Variants in A2ML1 observed in about 807,000 individuals in gnomAD.
A2ML1 encodes alpha-2-macroglobulin like 1, also known as alpha-2-macroglobulin-like protein 1.
In A2ML1, 161 loss-of-function variants were observed where a neutral mutation model predicts 181.9. The ratio of observed to expected loss-of-function variants is 0.89; its 90% CI spans 0.78 to 1.01. A2ML1 has a LOEUF of 1.01. Ranked by LOEUF, A2ML1 falls within the 50% of genes least tolerant of loss-of-function variation. The pLI is 0.00. For synonymous variants in A2ML1, 663 were observed against 666.8 expected (o/e 0.99, Z 0.09); for missense variants, 1,670 against 1,768.1 (o/e 0.94, Z 1.00).
chr12:8,871,901 C>T (rs190675782), intron 33 of A2ML1, among the ~76,000 whole-genome samples: 3 of 152,164 alleles, frequency 2.0e-5, no homozygotes, highest in East Asian at 1.9e-4. Flanking sequence ...GCTACCTGGC[C>T]GGGCGCAGTG....
intron 6 of A2ML1, among the ~76,000 whole-genome samples, 188 bp from the exon 7 acceptor site, chr12:8,836,067 A>G (rs1173157040): frequency 6.6e-6 from 1 of 152,070 alleles, no homozygotes; most frequent in East Asian, 1.9e-4. Context: ...TACTCTGGGA[A>G]AGGATTATTT....
rs1209606276 is a variant in A2ML1 at position 8,841,456 on chromosome 12, AC to A, written c.1171del (p.Leu391TrpfsTer8). 6.2e-7 allele frequency: 1 copy of A among 1,613,702 alleles called. No individual in the cohort carries two copies. Among genetic ancestry groups the A allele is most frequent in the African/African-American group, 1.3e-5 (1 of 74,860 alleles). ...TGGCACAAATGGAACCTTCAACCAG[AC>A]CCTGGTTACTGATAACAATGGCCTA... ...IYGTNGTFNQ[T>X]LVTDNNGLAP... On this transcript the variant is annotated frameshift_variant, in exon 11 of 36. Coordinates refer to ENST00000299698, the MANE Select transcript of A2ML1 (RefSeq NM_144670.6). LOFTEE classifies it high-confidence loss of function.
rs757037403 is a variant in A2ML1 at position 8,861,204 on chromosome 12, C to T, written c.3409C>T (p.Gln1137Ter). ...SATSTTNLYT[Q>*]ALLAYIFSLA... Reference sequence around the variant, plus strand: ...CACCTCCACGACCAACCTCTACACACAGGCCCTGTTGGCTTACATTTTCTC... The same window carrying T: ...CACCTCCACGACCAACCTCTACACATAGGCCCTGTTGGCTTACATTTTCTC... The change falls in exon 28 of 36, where the codon CAG becomes TAG. Residue 1137 changes from glutamine to a stop codon, truncating the protein, a stop_gained. Coordinates refer to ENST00000299698, the MANE Select transcript of A2ML1 (RefSeq NM_144670.6). LOFTEE classifies it high-confidence loss of function. 1.9e-6 allele frequency: 3 copies of T among 1,614,172 alleles called. No homozygotes were observed. The highest frequency in any genetic ancestry group is 2.2e-5 in the South Asian group (2 of 91,086).
rs773681065 is a variant in A2ML1, at chr12:8,861,179, C to T, written c.3384C>T (p.Ala1128=). ...GTCTACGGTGTCTCAAGAATTCGGCCACCTCCACGACCAACCTCTACACAC... is the reference window on the plus strand; with the variant it reads ...GTCTACGGTGTCTCAAGAATTCGGCTACCTCCACGACCAACCTCTACACAC... ...SQGLRCLKNS[A]TSTTNLYTQA... Residue 1128 remains alanine (A), a synonymous_variant, in exon 28 of 36, where the codon GCC becomes GCT. Transcript: ENST00000299698. 4 of 1,614,000 alleles carry T rather than the reference C, an allele frequency of 2.5e-6. No homozygotes were observed. The Admixed American group carries it at 6.7e-5, about 27-fold the overall frequency.
At chr12:8,872,939 A>G (rs1345862831) in intron 33 of A2ML1, among the ~76,000 whole-genome samples, 1 of 152,222 alleles carries the variant, frequency 6.6e-6, no homozygotes, top group Non-Finnish European at 1.5e-5. Context: ...CCGTTGCAAT[A>G]TTACACATAA....
At chr12:8,841,987 C>G (rs368281204) in intron 11 of A2ML1, among the ~76,000 whole-genome samples, 2 of 152,202 alleles carry the variant, frequency 1.3e-5, no homozygotes, top group Non-Finnish European at 2.9e-5. Flanking sequence ...ACTTCAGTAT[C>G]GTGCAGCAGA....
chr12:8,871,768 A>G (rs1027525643), intron 33 of A2ML1, among the ~76,000 whole-genome samples: 1 of 151,992 alleles, frequency 6.6e-6, no homozygotes, highest in Non-Finnish European at 1.5e-5. Flanking sequence ...CCCCATTACT[A>G]TATATGTGTA....
At chr12:8,865,730 A>G (rs1292055638) in intron 29 of A2ML1, among the ~76,000 whole-genome samples, 1 of 152,170 alleles carries the variant, frequency 6.6e-6, no homozygotes, top group Admixed American at 6.5e-5. Flanking sequence ...GGCAGTATGG[A>G]AAAAACAGAG....
At chr12:8,857,361 T>C in intron 24 of A2ML1, 21 bp downstream of exon 24, 1 of 1,613,058 alleles carries the variant, frequency 6.2e-7, no homozygotes, top group Non-Finnish European at 8.5e-7. Flanking sequence ...TCAGTCTTTC[T>C]TTCTTGAACA....
At chr12:8,833,372 G>A (rs919331391) in intron 4 of A2ML1, among the ~76,000 whole-genome samples, 1 of 152,086 alleles carries the variant, frequency 6.6e-6, no homozygotes, top group Non-Finnish European at 1.5e-5. Flanking sequence ...TGTGAGAAAA[G>A]TACTTTGTTA....
chr12:8,824,228 T>G (rs1173891734), intron 3 of A2ML1, among the ~76,000 whole-genome samples: 38 of 146,288 alleles, frequency 2.6e-4, no homozygotes, highest in African/African-American at 4.6e-4. Context: ...TGGGGTTTTT[T>G]TTTTTTTTTT....
rs1944489624 is a variant in A2ML1 at position 8,868,246 on chromosome 12, A to G, written c.3950A>G (p.Asn1317Ser). 2 of 1,613,806 alleles carry G rather than the reference A, an allele frequency of 1.2e-6. No homozygotes were observed. The highest frequency in any genetic ancestry group is 3.3e-5 in the Admixed American group (2 of 59,906). Residue 1317 changes from asparagine to serine, a missense_variant, in exon 31 of 36, where the codon AAT becomes AGT. Coordinates refer to ENST00000299698, the MANE Select transcript of A2ML1 (RefSeq NM_144670.6). The part of the protein sequence containing the change: ...CVYVQTVLRY[N>S]ILPPTNMKTF... ...TCCTACCAGACGGTGTTGAGATACA[A>G]TATTCTCCCTCCCACAAATATGAAG... is the stretch of plus-strand genomic sequence containing the variant.
intron 16 of A2ML1, 79 bp from the exon 17 acceptor site, chr12:8,849,590 G>A (rs1010790379): frequency 1.5e-5 from 17 of 1,139,520 alleles, no homozygotes; most frequent in Middle Eastern, 3.9e-4. Flanking sequence ...TCAACTCTTT[G>A]ATGGTGGAAT....
intron 14 of A2ML1, among the ~76,000 whole-genome samples, chr12:8,846,720 A>G (rs1388005098): frequency 6.6e-6 from 1 of 151,666 alleles, no homozygotes; most frequent in East Asian, 1.9e-4. Flanking sequence ...CTGAGGCAGG[A>G]GAATTGCATG....
intron 20 of A2ML1, among the ~76,000 whole-genome samples, chr12:8,853,692 ATC>A (rs1460128127): frequency 6.6e-6 from 1 of 152,220 alleles, no homozygotes; most frequent in Admixed American, 6.5e-5. Flanking sequence ...CATCACATGA[ATC>A]TCTCTGCTGG....
At chr12:8,834,764 G>A in intron 5 of A2ML1, 82 bp downstream of exon 5, 1 of 1,556,470 alleles carries the variant, frequency 6.4e-7, no homozygotes, top group Non-Finnish European at 8.8e-7. Context: ...GAAGACAGAA[G>A]CAACTCTGAG....
chr12:8,845,849 C>CAAAA (rs1231550807), intron 13 of A2ML1, among the ~76,000 whole-genome samples: 223 of 55,512 alleles, frequency 4.0e-3, no homozygotes, highest in African/African-American at 0.011. Flanking sequence ...GACTCCGTCT[C>CAAAA]AAAAAAAAAA....
chr12:8,831,894 CAT>C (rs1369835071), intron 4 of A2ML1, among the ~76,000 whole-genome samples: 1 of 152,112 alleles, frequency 6.6e-6, no homozygotes, highest in Non-Finnish European at 1.5e-5. Context: ...GGATTACAGG[CAT>C]GCGCCAACAC....
At chr12:8,837,123 A>G (rs1327936571) in intron 7 of A2ML1, among the ~76,000 whole-genome samples, 3 of 152,006 alleles carry the variant, frequency 2.0e-5, no homozygotes. Flanking sequence ...GGTTCAAGCG[A>G]TTCTCCTGCC....
Sources: allele counts gnomAD v4.1 joint callset (sites outside exome capture counted in the v4.1 genomes callset), GRCh38; gene constraint gnomAD v4.1.1; transcripts MANE v1.5; gene names NCBI Gene and HGNC (gene_info 2026-07-23, HGNC 2026-07-21).